Variants in CATSPERE observed in about 807,000 individuals in gnomAD.
CATSPERE encodes the protein catsper channel auxiliary subunit epsilon.
Under a neutral mutation model 114.1 loss-of-function variants are expected in CATSPERE, and 93 were observed. The ratio of observed to expected loss-of-function variants is 0.81; its 90% CI spans 0.69 to 0.97. The LOEUF is 0.97. Ranked by LOEUF, CATSPERE falls within the 50% of genes least tolerant of loss-of-function variation. CATSPERE has a pLI of 0.00. For synonymous variants in CATSPERE, 341 were observed against 384.1 expected (o/e 0.89, Z 1.31); for missense variants, 1,058 against 1,131.6 (o/e 0.93, Z 0.93).
At chr1:244,532,786 T>C (rs974459875) in intron 8 of CATSPERE, among the ~76,000 whole-genome samples, 1 of 152,168 alleles carries the variant, frequency 6.6e-6, no homozygotes, top group Non-Finnish European at 1.5e-5. Flanking sequence ...ATATGGTCTA[T>C]CCTTGAGAAT....
chr1:244,608,591 C>T (rs963351768), intron 18 of CATSPERE, among the ~76,000 whole-genome samples: 1 of 151,900 alleles, frequency 6.6e-6, no homozygotes, highest in Admixed American at 6.6e-5. Context: ...CTGACCTCAA[C>T]CCCCAATCCT....
intron 20 of CATSPERE, among the ~76,000 whole-genome samples, chr1:244,623,432 A>G (rs920250639): frequency 6.6e-6 from 1 of 152,206 alleles, no homozygotes; most frequent in Non-Finnish European, 1.5e-5. Context: ...TGGGGATAAC[A>G]TGAAAATACA....
chr1:244,619,188 T>A (rs1671774776), intron 20 of CATSPERE, among the ~76,000 whole-genome samples: 1 of 152,146 alleles, frequency 6.6e-6, no homozygotes, highest in Non-Finnish European at 1.5e-5. Context: ...ACAATACGGA[T>A]GTGGGTACCT....
intron 5 of CATSPERE, among the ~76,000 whole-genome samples, chr1:244,481,693 G>A (rs1670289580): frequency 6.6e-6 from 1 of 152,150 alleles, no homozygotes; most frequent in African/African-American, 2.4e-5. Context: ...CACGCCTTTG[G>A]GAAGTGGTTA....
At chr1:244,525,341 G>T (rs1678382336) in intron 8 of CATSPERE, among the ~76,000 whole-genome samples, 1 of 119,838 alleles carries the variant, frequency 8.3e-6, no homozygotes, top group South Asian at 3.1e-4. Context: ...GACTCTTTTG[G>T]AGTGGGGGGA....
intron 8 of CATSPERE, among the ~76,000 whole-genome samples, chr1:244,547,845 G>A (rs936546494): frequency 2.6e-5 from 4 of 152,180 alleles, no homozygotes; most frequent in South Asian, 2.1e-4. Flanking sequence ...TTAAATTCTC[G>A]AAAGACATAG....
At chr1:244,478,635 C>T (rs578143805) in intron 4 of CATSPERE, among the ~76,000 whole-genome samples, 1 of 152,240 alleles carries the variant, frequency 6.6e-6, no homozygotes, top group South Asian at 2.1e-4. Context: ...GTAGACAGAG[C>T]GATGTGGGAG....
intron 8 of CATSPERE, among the ~76,000 whole-genome samples, chr1:244,528,805 A>G (rs958390734): frequency 1.3e-4 from 20 of 151,084 alleles, no homozygotes; most frequent in Admixed American, 3.3e-4. Flanking sequence ...ACACACACAC[A>G]CACACACACA....
At chr1:244,537,158 T>C (rs1680511344) in intron 8 of CATSPERE, among the ~76,000 whole-genome samples, 1 of 151,926 alleles carries the variant, frequency 6.6e-6, no homozygotes, top group Non-Finnish European at 1.5e-5. Flanking sequence ...ACTGTCAAGT[T>C]TTTGTATGCT....
intron 8 of CATSPERE, among the ~76,000 whole-genome samples, chr1:244,541,331 C>CA (rs1658679331): frequency 6.7e-6 from 1 of 149,150 alleles, no homozygotes; most frequent in African/African-American, 2.5e-5. Context: ...ACAACCCCAT[C>CA]AAAAAGTGGG....
chr1:244,628,084 A>G (rs969621062), intron 20 of CATSPERE, among the ~76,000 whole-genome samples: 1 of 152,242 alleles, frequency 6.6e-6, no homozygotes, highest in Non-Finnish European at 1.5e-5. Flanking sequence ...ATGGCCACAA[A>G]GTGCAAAAGT....
intron 7 of CATSPERE, among the ~76,000 whole-genome samples, chr1:244,502,431 C>A (rs1355137312): frequency 6.6e-6 from 1 of 152,042 alleles, no homozygotes; most frequent in Non-Finnish European, 1.5e-5. Flanking sequence ...TTAATTAGAG[C>A]ATTAAGTTCG....
chr1:244,583,645 C>T (rs955474350), intron 12 of CATSPERE, among the ~76,000 whole-genome samples: 2 of 152,108 alleles, frequency 1.3e-5, no homozygotes, highest in Non-Finnish European at 2.9e-5. Flanking sequence ...ACATGGGATA[C>T]GATGAGGTGG....
intron 21 of CATSPERE, among the ~76,000 whole-genome samples, chr1:244,636,931 C>T (rs1027170227): frequency 6.6e-6 from 1 of 152,264 alleles, no homozygotes; most frequent in Admixed American, 6.5e-5. Flanking sequence ...CTCAACCCCA[C>T]CACTTGCCCA....
chr1:244,455,805 A>G (rs1252342397), intron 1 of CATSPERE, among the ~76,000 whole-genome samples: 4 of 151,838 alleles, frequency 2.6e-5, no homozygotes, highest in Non-Finnish European at 5.9e-5. Context: ...TTTGGAAAAA[A>G]GCTCTGTTTT....
At chr1:244,479,267 A>C (rs1277498364) in intron 4 of CATSPERE, among the ~76,000 whole-genome samples, 1 of 151,922 alleles carries the variant, frequency 6.6e-6, no homozygotes, top group Non-Finnish European at 1.5e-5. Flanking sequence ...CTAATGTTGT[A>C]TTTTGAGCAG....
intron 5 of CATSPERE, among the ~76,000 whole-genome samples, chr1:244,484,339 G>A (rs1049412253): frequency 6.6e-5 from 10 of 152,170 alleles, no homozygotes; most frequent in Middle Eastern, 6.8e-3. Context: ...ATCCTAGACC[G>A]TATATGGAGA....
At chr1:244,558,612 C>A (rs1372247528) in intron 9 of CATSPERE, among the ~76,000 whole-genome samples, 2 of 152,148 alleles carry the variant, frequency 1.3e-5, no homozygotes, top group Non-Finnish European at 2.9e-5. Flanking sequence ...TGCCACCAAC[C>A]TTCGAAATCC....
Position 244,499,039 on chromosome 1 carries a change from A to G in CATSPERE, c.389A>G (p.Asp130Gly), listed in dbSNP as rs568242774. The G allele has an allele frequency of 3.7e-6, 6 of 1,613,354 alleles. No individual in the cohort carries two copies. In the Admixed American group the frequency reaches 1.0e-4, roughly 27 times the overall value. Residue 130 changes from aspartate (D) to glycine (G), a missense_variant, in exon 7 of 22, where the codon GAT (aspartate) becomes GGT (glycine). This residue lies in a region of CATSPERE where 271 missense variants were observed against 225.9 expected (regional missense o/e 1.20). Transcript: ENST00000366534. ...TGGGCATATGATCCAGAAAGTGCAG[A>G]TCCTGATGAGTTGCTGGGGAATGCA... ...TVWAYDPESA[D>G]PDELLGNAEE...
Sources: allele counts gnomAD v4.1 joint callset (sites outside exome capture counted in the v4.1 genomes callset), GRCh38; gene constraint gnomAD v4.1.1; regional missense constraint gnomAD v4.1.1; transcripts MANE v1.5; gene names NCBI Gene and HGNC (gene_info 2026-07-23, HGNC 2026-07-21).